The following TENM2 variants were observed in gnomAD, a reference collection of about 807,000 sequenced individuals.
TENM2 encodes teneurin transmembrane protein 2.
TENM2 carries 52 observed loss-of-function variants against 245.2 expected under a neutral mutation model. The observed-to-expected ratio is 0.21, with a 90% CI of 0.17 to 0.27. The LOEUF (loss-of-function observed/expected upper bound fraction) is 0.27, where lower values mean the gene tolerates loss of function less well. TENM2 is among the 10% of genes least tolerant of loss of function. The pLI is 1.00. For missense variants in TENM2, 3,046 were observed against 3,666.8 expected, an observed-to-expected ratio of 0.83 and a Z score of 4.37; for synonymous variants, 1,363 against 1,438.9, an observed-to-expected ratio of 0.95 and a Z score of 1.19.
At chr5:168,131,924 TTTTTA>T (rs1378273598) in intron 12 of TENM2, among the ~76,000 whole-genome samples, 1 of 152,204 alleles carries the variant, frequency 6.6e-6, no homozygotes, top group Admixed American at 6.5e-5. Flanking sequence ...GGAGTTCCTT[TTTTTA>T]TTTTAAGTGA....
At chr5:167,937,479 C>T (rs1372181842) in intron 3 of TENM2, among the ~76,000 whole-genome samples, 1 of 152,158 alleles carries the variant, frequency 6.6e-6, no homozygotes, top group Non-Finnish European at 1.5e-5. Context: ...ATTTTGCATA[C>T]CCACCAGCAA....
chr5:167,497,810 A>T (rs1047110400), intron 2 of TENM2, among the ~76,000 whole-genome samples: 2 of 152,102 alleles, frequency 1.3e-5, no homozygotes, highest in Non-Finnish European at 2.9e-5. Context: ...CTTAGTAATT[A>T]AATGTTTCCG....
At chr5:167,720,879 T>C (rs1759580264) in intron 2 of TENM2, among the ~76,000 whole-genome samples, 1 of 152,218 alleles carries the variant, frequency 6.6e-6, no homozygotes, top group African/African-American at 2.4e-5. Flanking sequence ...ATGTAAAATG[T>C]ATTACTCAGA....
chr5:167,340,922 AACG>A (rs1367050276), intron 1 of TENM2, among the ~76,000 whole-genome samples: 12 of 152,084 alleles, frequency 7.9e-5, no homozygotes, highest in Admixed American at 2.0e-4. Context: ...GGATTCTAAA[AACG>A]ACAAGTCAGA....
chr5:168,018,976 G>C (rs1785908939), intron 5 of TENM2, among the ~76,000 whole-genome samples: 1 of 152,168 alleles, frequency 6.6e-6, no homozygotes, highest in Non-Finnish European at 1.5e-5. Flanking sequence ...AGAAGAAAAG[G>C]AGTCGTCTGT....
intron 2 of TENM2, among the ~76,000 whole-genome samples, chr5:167,542,292 A>C (rs371751048): frequency 6.6e-6 from 1 of 152,204 alleles, no homozygotes; most frequent in Non-Finnish European, 1.5e-5. Flanking sequence ...ATGGTTTAAC[A>C]CATACCTTTC....
At chr5:167,559,207 G>A (rs746422099) in intron 2 of TENM2, among the ~76,000 whole-genome samples, 13 of 152,146 alleles carry the variant, frequency 8.5e-5, no homozygotes, top group Admixed American at 2.0e-4. Flanking sequence ...ACTTCTCAGC[G>A]TCTCAGCCTT....
At chr5:167,338,802 G>A (rs1349769792) in intron 1 of TENM2, among the ~76,000 whole-genome samples, 1 of 152,178 alleles carries the variant, frequency 6.6e-6, no homozygotes, top group East Asian at 1.9e-4. Context: ...GACATGCTCA[G>A]GTTCTGGTGA....
At chr5:167,723,299 TC>T (rs1172897552) in intron 2 of TENM2, among the ~76,000 whole-genome samples, 1 of 152,154 alleles carries the variant, frequency 6.6e-6, no homozygotes, top group Non-Finnish European at 1.5e-5. Flanking sequence ...TGAGTCCTCA[TC>T]TAGTGCCACT....
chr5:167,358,334 A>G (rs1759477341), intron 1 of TENM2, among the ~76,000 whole-genome samples: 1 of 152,124 alleles, frequency 6.6e-6, no homozygotes, highest in Admixed American at 6.5e-5. Flanking sequence ...GTCCATTCTC[A>G]GTTCTCTTAA....
intron 12 of TENM2, among the ~76,000 whole-genome samples, chr5:168,138,663 G>T (rs1304169334): frequency 6.6e-6 from 1 of 152,202 alleles, no homozygotes; most frequent in East Asian, 1.9e-4. Context: ...CATGGAAATG[G>T]CCCACTTAGG....
intron 2 of TENM2, among the ~76,000 whole-genome samples, chr5:167,589,427 A>G (rs148330665): frequency 6.6e-6 from 1 of 152,310 alleles, no homozygotes; most frequent in East Asian, 1.9e-4. Flanking sequence ...TCAGAATTCA[A>G]ATATAAGTGT....
chr5:167,108,668 G>A, the TENM2 span, among the ~76,000 whole-genome samples: 5 of 152,174 alleles, frequency 3.3e-5, no homozygotes, highest in African/African-American at 9.7e-5. Flanking sequence ...TAGGTGCCTC[G>A]TGCCTTGCAC....
rs147503912 is a variant in TENM2 at position 167,878,488 on chromosome 5, G to A, written c.712+2293G>A. Among the ~76,000 whole-genome samples the A allele has an allele frequency of 6.8e-4, 103 of 152,104 alleles. 1 individual carries two copies. The East Asian group carries it at 0.016, about 24-fold the overall frequency. Reference sequence around the variant, plus strand: ...TTATCAGAGAGTTTGTTAAAGCTCCGGTCAACAGGCAGTCATTAGAAATTC... The same window carrying A: ...TTATCAGAGAGTTTGTTAAAGCTCCAGTCAACAGGCAGTCATTAGAAATTC... On this transcript the variant is annotated intron_variant, in intron 3 of 28. Coordinates refer to ENST00000518659, the Ensembl canonical transcript of TENM2.
At chr5:168,126,654 C>CG in intron 11 of TENM2, 100 bp from the exon 14 acceptor site, 5 of 912,396 alleles carry the variant, frequency 5.5e-6, no homozygotes, top group Non-Finnish European at 8.3e-6. Context: ...TGCTGGGCCT[C>CG]GGGGCCTGCT....
chr5:167,725,258 T>C (rs1759914802), intron 2 of TENM2, among the ~76,000 whole-genome samples: 1 of 150,992 alleles, frequency 6.6e-6, no homozygotes, highest in Non-Finnish European at 1.5e-5. Context: ...TGAATCACAC[T>C]TTTTTTTTAA....
At chr5:167,169,518 C>T in the TENM2 span, among the ~76,000 whole-genome samples, 1 of 152,138 alleles carries the variant, frequency 6.6e-6, no homozygotes, top group Non-Finnish European at 1.5e-5. Context: ...TGTTTCTCTC[C>T]CTGTAAAATA....
intron 1 of TENM2, among the ~76,000 whole-genome samples, chr5:167,324,672 G>GA (rs546901646): frequency 3.2e-4 from 48 of 148,584 alleles, no homozygotes; most frequent in Non-Finnish European, 4.8e-4. Flanking sequence ...AGAACAAGAG[G>GA]AAAAAAAAAC....
At chr5:167,661,485 C>T (rs1755204279) in intron 2 of TENM2, among the ~76,000 whole-genome samples, 1 of 152,140 alleles carries the variant, frequency 6.6e-6, no homozygotes, top group Admixed American at 6.5e-5. Flanking sequence ...AATTCTAATT[C>T]TCATTCTTAC....
Sources: gnomAD v4.1 joint callset for allele counts (sites outside exome capture counted in the v4.1 genomes callset) on GRCh38, gnomAD v4.1.1 for gene constraint, MANE v1.5 for transcripts, NCBI Gene and HGNC (gene_info 2026-07-23, HGNC 2026-07-21) for gene names.